MACF1: variants seen among roughly 807,000 people sequenced by gnomAD.
The protein encoded by MACF1 is microtubule-actin cross-linking factor 1.
Under a neutral mutation model 854.8 loss-of-function variants are expected in MACF1, and 193 were observed. The ratio of observed to expected loss-of-function variants is 0.23; its 90% confidence interval spans 0.20 to 0.25. The LOEUF is 0.25. Among genes scored for constraint, MACF1 ranks in the 10% least tolerant of loss-of-function variants. MACF1 has a pLI of 1.00. For missense variants in MACF1, 7,722 were observed against 8,929.1 expected, an observed-to-expected ratio of 0.86 and a Z score of 5.45; for synonymous variants, 3,185 against 3,226.7, an observed-to-expected ratio of 0.99 and a Z score of 0.44.
intron 2 of MACF1, among the ~76,000 whole-genome samples, chr1:39,245,393 G>A (rs1644971688): frequency 6.6e-6 from 1 of 152,088 alleles, no homozygotes; most frequent in Non-Finnish European, 1.5e-5. Flanking sequence ...CGATTCTCGT[G>A]TCTCAGCCTC....
intron 49 of MACF1, among the ~76,000 whole-genome samples, chr1:39,365,434 A>T (rs918605730): frequency 7.9e-5 from 12 of 152,164 alleles, no homozygotes; most frequent in Non-Finnish European, 1.8e-4. Context: ...CTCAAAGGAA[A>T]GACTCATTGG....
In MACF1 at chr1:39,331,386, G is replaced by A. The variant is rs372361766; in HGVS notation, c.4798G>A (p.Ala1600Thr). 478 of 1,613,990 alleles carry A rather than the reference G, an allele frequency of 3.0e-4. 7 individuals carry two copies. The South Asian group carries it at 4.8e-3, about 16-fold the overall frequency. ...GENLSLEEGI[A>T]RNLINPQMYQ... The stretch of plus-strand genomic sequence containing the variant: ...AAACCTCTCTTTGGAGGAGGGCATA[G>A]CCAGAAACCTCATTAATCCCCAGAT... The change falls in exon 37 of 101, where the codon GCC (alanine) becomes ACC (threonine). Residue 1600 changes from alanine to threonine, a missense_variant. Coordinates refer to ENST00000564288, the MANE Select transcript of MACF1 (RefSeq NM_001394062.1).
chr1:39,481,661 G>A (rs1017290350), intron 99 of MACF1, among the ~76,000 whole-genome samples: 3 of 152,230 alleles, frequency 2.0e-5, no homozygotes, highest in South Asian at 4.1e-4. Flanking sequence ...GCATGTTCAA[G>A]TGCAGCCATT....
At chr1:39,148,199 T>G (rs1444786691) in intron 2 of MACF1, among the ~76,000 whole-genome samples, 1 of 152,228 alleles carries the variant, frequency 6.6e-6, no homozygotes, top group Non-Finnish European at 1.5e-5. Context: ...CAGCCTCCCC[T>G]AGACCATGAG....
chr1:39,233,673 A>G (rs1644812220), intron 2 of MACF1, among the ~76,000 whole-genome samples: 1 of 151,202 alleles, frequency 6.6e-6, no homozygotes, highest in Non-Finnish European at 1.5e-5. Flanking sequence ...CAAGATCTGG[A>G]TAAGGAGGCA....
At chr1:39,476,402 C>G (rs1644883182) in intron 97 of MACF1, among the ~76,000 whole-genome samples, 1 of 152,052 alleles carries the variant, frequency 6.6e-6, no homozygotes, top group African/African-American at 2.4e-5. Context: ...AACCCCATCT[C>G]TACTAAAAAT....
chr1:39,366,893 C>CTTGTAA (rs1648761864), intron 49 of MACF1, among the ~76,000 whole-genome samples: 1 of 150,660 alleles, frequency 6.6e-6, no homozygotes, highest in African/African-American at 2.4e-5. Context: ...ATCCTCCTGC[C>CTTGTAA]TCGGCCTCCC....
At chr1:39,275,925 C>CTTCTTCT (rs537551056) in intron 6 of MACF1, among the ~76,000 whole-genome samples, 2 of 146,688 alleles carry the variant, frequency 1.4e-5, no homozygotes, top group Admixed American at 6.8e-5. Flanking sequence ...TCTTCTTCTT[C>CTTCTTCT]TTTTTTTTTT....
intron 58 of MACF1, among the ~76,000 whole-genome samples, chr1:39,393,187 A>T (rs1642105441): frequency 9.9e-6 from 1 of 100,572 alleles, no homozygotes; most frequent in Admixed American, 9.8e-5. Context: ...AGGGTAAAAA[A>T]AAAAAAAAAA....
chr1:39,187,777 C>G (rs905700373), intron 2 of MACF1, among the ~76,000 whole-genome samples: 1 of 152,000 alleles, frequency 6.6e-6, no homozygotes, highest in Non-Finnish European at 1.5e-5. Context: ...CCTCAAACTC[C>G]TGGCTTCAAG....
intron 23 of MACF1, among the ~76,000 whole-genome samples, chr1:39,305,901 A>G (rs1646164138): frequency 6.6e-6 from 1 of 152,068 alleles, no homozygotes; most frequent in Non-Finnish European, 1.5e-5. Flanking sequence ...CACCATCCCC[A>G]CTAACTGCAT....
chr1:39,161,341 A>G (rs940343384), intron 2 of MACF1, among the ~76,000 whole-genome samples: 1 of 152,130 alleles, frequency 6.6e-6, no homozygotes, highest in Non-Finnish European at 1.5e-5. Context: ...TAGAGTGGTG[A>G]GAAAGTGGTT....
chr1:39,422,320 A>T (rs1367261681), intron 58 of MACF1, 54 bp from the exon 59 acceptor site: 1 of 1,458,246 alleles, frequency 6.9e-7, no homozygotes, highest in East Asian at 2.3e-5. Flanking sequence ...TCTGCGTGGT[A>T]TAGAGAGTCT....
intron 6 of MACF1, among the ~76,000 whole-genome samples, chr1:39,274,762 A>G (rs1193146051): frequency 6.6e-6 from 1 of 152,240 alleles, no homozygotes; most frequent in Non-Finnish European, 1.5e-5. Flanking sequence ...TACTAGCAGT[A>G]TAACTTGGAA....
At chr1:39,182,867 A>C (rs1411230521) in intron 2 of MACF1, among the ~76,000 whole-genome samples, 1 of 152,248 alleles carries the variant, frequency 6.6e-6, no homozygotes, top group African/African-American at 2.4e-5. Flanking sequence ...TATTCATAGA[A>C]TATAGAAAAC....
At chr1:39,410,915 A>G (rs1041816024) in intron 58 of MACF1, 2 of 1,613,926 alleles carry the variant, frequency 1.2e-6, no homozygotes, top group Admixed American at 1.7e-5. Flanking sequence ...GGAGACTGCC[A>G]GGACTTTAGA....
intron 91 of MACF1, chr1:39,459,848 T>A: frequency 7.7e-7 from 1 of 1,304,010 alleles, no homozygotes. Flanking sequence ...TGTTCTGTGT[T>A]TTGTTTATTT....
At position 39,336,596 on chromosome 1, in the gene MACF1, T is replaced by C. The variant is rs773908269; in HGVS notation, c.10008T>C (p.Thr3336=). The change falls in exon 37 of 101, where the codon ACT becomes ACC. Residue 3336 remains threonine, a synonymous_variant. Coordinates refer to ENST00000564288, the MANE Select transcript of MACF1 (RefSeq NM_001394062.1). Reference sequence around the variant, plus strand: ...GCAGTGAACAAACTCCCTTCATGACTGCACCTGAAGGAAAGGGAAATGGAG... The same window carrying C: ...GCAGTGAACAAACTCCCTTCATGACCGCACCTGAAGGAAAGGGAAATGGAG... ...SPGSEQTPFM[T]APEGKGNGGV... is the part of the protein sequence containing the mutation. The C allele has an allele frequency of 6.2e-7, 1 of 1,613,456 alleles. No homozygotes were observed. The highest frequency in any genetic ancestry group is 1.1e-5 in the South Asian group (1 of 91,038).
At chr1:39,330,945 G>A (rs1646712050) in intron 36 of MACF1, among the ~76,000 whole-genome samples, 1 of 151,890 alleles carries the variant, frequency 6.6e-6, no homozygotes, top group African/African-American at 2.4e-5. Context: ...GGGATTACAG[G>A]TGCGCACCAC....
Sources: gnomAD v4.1 joint callset for allele counts (sites outside exome capture counted in the v4.1 genomes callset) on GRCh38, gnomAD v4.1.1 for gene constraint, MANE v1.5 for transcripts, NCBI Gene and HGNC (gene_info 2026-07-23, HGNC 2026-07-21) for gene names.